The following PANX1 variants were observed in gnomAD, a reference collection of about 807,000 sequenced individuals.
PANX1 encodes the protein pannexin-1.
Under a neutral mutation model 38.7 loss-of-function variants are expected in PANX1, and 30 were observed. The observed-to-expected ratio is 0.78, with a 90% CI of 0.58 to 1.05. The LOEUF (loss-of-function observed/expected upper bound fraction) is 1.05, where lower values mean the gene tolerates loss of function less well. Ranked by LOEUF, PANX1 falls within the 50% of genes least tolerant of loss-of-function variation. The pLI, the probability that PANX1 is intolerant of heterozygous loss-of-function variation, is 0.00. For missense variants in PANX1, 551 were observed against 517.2 expected (o/e 1.07, Z -0.63); for synonymous variants, 230 against 212.2 (o/e 1.08, Z -0.73).
intron 2 of PANX1, among the ~76,000 whole-genome samples, chr11:94,155,590 A>G (rs1224263577): frequency 6.6e-6 from 1 of 152,152 alleles, no homozygotes; most frequent in African/African-American, 2.4e-5. Flanking sequence ...ATATTTATTA[A>G]GTGGAAGTGG....
At chr11:94,161,792 G>A (rs1947040566) in intron 2 of PANX1, among the ~76,000 whole-genome samples, 1 of 152,146 alleles carries the variant, frequency 6.6e-6, no homozygotes, top group African/African-American at 2.4e-5. Flanking sequence ...AGGAGGAGAG[G>A]TGCTCTGATT....
At chr11:94,140,395 G>A (rs1317990179) in intron 1 of PANX1, among the ~76,000 whole-genome samples, 1 of 152,190 alleles carries the variant, frequency 6.6e-6, no homozygotes, top group African/African-American at 2.4e-5. Context: ...TTCTTCCCCA[G>A]AGGTAACTAC....
rs200950145 is a variant in PANX1 at position 94,178,428 on chromosome 11, G to C, written c.381G>C (p.Trp127Cys). The C allele has an allele frequency of 1.2e-6, 2 of 1,614,044 alleles. No individual in the cohort carries two copies. The highest frequency in any genetic ancestry group is 8.5e-7 in the Non-Finnish European group (1 of 1,179,984). The change falls in exon 3 of 5, where the codon TGG becomes TGC. Residue 127 changes from tryptophan (W) to cysteine (C), a missense_variant. By Grantham distance (215) the Trp-to-Cys change is radical (BLOSUM62 -2). Transcript: ENST00000227638. ...TCCTGTACCTGCCCCCGCTGTTCTG[G>C]CGTTTCGCAGCTGCTCCTCATATTT... ...AILLYLPPLF[W>C]RFAAAPHICS...
rs140861057 is a variant in PANX1, at chr11:94,167,392, C to G, written c.322-10977C>G. 6.6e-5 allele frequency among the ~76,000 whole-genome samples: 10 copies of G among 152,224 alleles called. No homozygotes were observed. The East Asian group carries it at 1.9e-3, about 29-fold the overall frequency. Reference sequence around the variant, plus strand: ...GATACTTTATATCTTTTTATATTGTCTATCTCCTAATGGGGGTCAATCATT... The same window carrying G: ...GATACTTTATATCTTTTTATATTGTGTATCTCCTAATGGGGGTCAATCATT... On this transcript the variant is annotated intron_variant, in intron 2 of 4. Transcript: ENST00000227638.
At chr11:94,169,943 C>G (rs1947146092) in intron 2 of PANX1, among the ~76,000 whole-genome samples, 1 of 151,772 alleles carries the variant, frequency 6.6e-6, no homozygotes, top group African/African-American at 2.4e-5. Flanking sequence ...AGAAATAAAA[C>G]CTATACCAGA....
Position 94,181,097 on chromosome 11 carries a change from A to G in PANX1, c.*228A>G, listed in dbSNP as rs1410556136. On this transcript the variant is annotated 3_prime_UTR_variant, in exon 5 of 5. Transcript: ENST00000227638. ...ACCTGAGAGATAGTAAACTGCAGCAAGTAACTATGTGTAAGTCCTCATCAA... is the reference window on the plus strand; with the variant it reads ...ACCTGAGAGATAGTAAACTGCAGCAGGTAACTATGTGTAAGTCCTCATCAA... 5.6e-6 allele frequency: 3 copies of G among 531,624 alleles called. No homozygotes were observed. The highest frequency in any genetic ancestry group is 6.1e-5 in the East Asian group (2 of 32,826). The allele number at this position is 531,624 out of a possible 1,614,324, so 32.9% of individuals were successfully genotyped here.
chr11:94,130,390 A>G (rs941750828), intron 1 of PANX1, among the ~76,000 whole-genome samples: 1 of 152,178 alleles, frequency 6.6e-6, no homozygotes, highest in Non-Finnish European at 1.5e-5. Context: ...ATGTTCCTGG[A>G]AAGAGAGACA....
At position 94,181,301 on chromosome 11, in the gene PANX1, G is replaced by T; in HGVS notation, c.*432G>T. ...TATGTCAGGGTATAATTTAACGTGA[G>T]TTTCTTATGTGCCCTTAAAGACTGT... On this transcript the variant is annotated 3_prime_UTR_variant, in exon 5 of 5. Transcript: ENST00000227638. 6.2e-6 allele frequency: 1 copy of T among 160,570 alleles called. No individual in the cohort carries two copies. The highest frequency in any genetic ancestry group is 1.4e-5 in the Non-Finnish European group (1 of 72,794). 9.9% of individuals were successfully genotyped at this position (160,570 alleles called of 1,614,324 possible).
At chr11:94,138,433 G>C (rs1474929990) in intron 1 of PANX1, among the ~76,000 whole-genome samples, 1 of 151,994 alleles carries the variant, frequency 6.6e-6, no homozygotes, top group Non-Finnish European at 1.5e-5. Flanking sequence ...ATATTTTCTA[G>C]CTAGCCTTTA....
intron 2 of PANX1, among the ~76,000 whole-genome samples, chr11:94,170,462 C>T (rs148170130): frequency 6.1e-4 from 92 of 151,922 alleles, no homozygotes; most frequent in Non-Finnish European, 1.2e-3. Flanking sequence ...CGTTCATCAG[C>T]GCATACTTGG....
chr11:94,164,723 G>A (rs774359903), intron 2 of PANX1, among the ~76,000 whole-genome samples: 2 of 152,182 alleles, frequency 1.3e-5, no homozygotes, highest in Non-Finnish European at 1.5e-5. Context: ...GCTTGAGCCT[G>A]ATATTTCTTT....
chr11:94,176,489 C>T lies in PANX1; in HGVS notation c.322-1880C>T, dbSNP rs938756827. On this transcript the variant is annotated intron_variant, in intron 2 of 4. Transcript: ENST00000227638. Reference sequence around the variant, plus strand: ...TGAAGTTTAGTTTCTGATAATGTGCCGATGTTGGCTTCTTAGTCTTAACAA... The same window carrying T: ...TGAAGTTTAGTTTCTGATAATGTGCTGATGTTGGCTTCTTAGTCTTAACAA... Among the ~76,000 whole-genome samples, 30 of 151,620 alleles carry T rather than the reference C, an allele frequency of 2.0e-4. 1 individual carries two copies. Among genetic ancestry groups the T allele is most frequent in the African/African-American group, 6.6e-4 (27 of 41,014 alleles).
chr11:94,169,929 T>C (rs991041416), intron 2 of PANX1, among the ~76,000 whole-genome samples: 7 of 151,768 alleles, frequency 4.6e-5, no homozygotes, highest in African/African-American at 1.5e-4. Flanking sequence ...TTCAGCCTAA[T>C]TGGAGAAATA....
At chr11:94,159,845 G>A (rs912818764) in intron 2 of PANX1, among the ~76,000 whole-genome samples, 17 of 151,392 alleles carry the variant, frequency 1.1e-4, no homozygotes, top group African/African-American at 4.1e-4. Flanking sequence ...GATCTTTCCT[G>A]CTTTCTCTTG....
At chr11:94,158,662 G>A (rs1946984150) in intron 2 of PANX1, among the ~76,000 whole-genome samples, 1 of 152,138 alleles carries the variant, frequency 6.6e-6, no homozygotes, top group Admixed American at 6.5e-5. Context: ...AGACAATGGG[G>A]TTTTCTAAAT....
chr11:94,141,083 T>G (rs1029607338), intron 1 of PANX1, among the ~76,000 whole-genome samples: 1 of 152,268 alleles, frequency 6.6e-6, no homozygotes, highest in Non-Finnish European at 1.5e-5. Flanking sequence ...ATCGTGAACA[T>G]AGTTTTAATG....
chr11:94,140,855 CAT>C (rs1430747111), intron 1 of PANX1, among the ~76,000 whole-genome samples: 7 of 152,244 alleles, frequency 4.6e-5, no homozygotes, highest in African/African-American at 9.6e-5. Flanking sequence ...TCAGGTATAA[CAT>C]ATTTTTATGA....
Position 94,139,810 on chromosome 11 carries a change from A to G in PANX1, c.181+10317A>G, listed in dbSNP as rs191992014. ...CATGGGGACAGAAGCTCCTTCACTCAGGACCCTTCTGAACCTCGCTCTGTG... is the reference window on the plus strand; with the variant it reads ...CATGGGGACAGAAGCTCCTTCACTCGGGACCCTTCTGAACCTCGCTCTGTG... On this transcript the variant is annotated intron_variant, in intron 1 of 4. Coordinates refer to ENST00000227638, the MANE Select transcript of PANX1 (RefSeq NM_015368.4). Among the ~76,000 whole-genome samples the G allele has an allele frequency of 5.9e-5, 9 of 152,356 alleles. 1 individual carries two copies. The East Asian group carries it at 1.7e-3, about 29-fold the overall frequency.
At position 94,179,584 on chromosome 11, in the gene PANX1, GTTTCC is replaced by G; in HGVS notation, c.546-14_546-10del. The G allele has an allele frequency of 6.3e-7, 1 of 1,598,456 alleles. No homozygotes were observed. Among genetic ancestry groups the G allele is most frequent in the Non-Finnish European group, 8.6e-7 (1 of 1,167,576 alleles). ...CTTGATGAGTGCCTAAGTTATTTTT[GTTTCC>G]TTTATTTTTTAGTTTGTGGGAGGTA... is the stretch of plus-strand genomic sequence containing the variant. On this transcript the variant is annotated splice_polypyrimidine_tract_variant and intron_variant, in intron 3 of 4. Coordinates refer to ENST00000227638, the MANE Select transcript of PANX1 (RefSeq NM_015368.4).
Sources: allele counts gnomAD v4.1 joint callset (sites outside exome capture counted in the v4.1 genomes callset), GRCh38; gene constraint gnomAD v4.1.1; transcripts MANE v1.5; gene names NCBI Gene and HGNC (gene_info 2026-07-23, HGNC 2026-07-21).